Variants in UPF2 observed in about 807,000 individuals in gnomAD.
UPF2 encodes the protein regulator of nonsense transcripts 2.
In UPF2, 17 loss-of-function variants were observed where a neutral mutation model predicts 141.4. The observed-to-expected ratio is 0.12, with a 90% confidence interval of 0.08 to 0.18. UPF2 has a LOEUF of 0.18. Among genes scored for constraint, UPF2 ranks in the 10% least tolerant of loss-of-function variants. The probability of loss-of-function intolerance (pLI) is 1.00; values close to 1 mark genes in which losing one functional copy is unlikely to be tolerated. For missense variants in UPF2, 1,152 were observed against 1,515.9 expected (o/e 0.76, Z 3.99); for synonymous variants, 540 against 498.0 (o/e 1.08, Z -1.12).
chr10:11,983,231 T>C (rs1833628599), intron 8 of UPF2, among the ~76,000 whole-genome samples: 1 of 152,224 alleles, frequency 6.6e-6, no homozygotes, highest in African/African-American at 2.4e-5. Flanking sequence ...CAAAAGCTAA[T>C]TTATCAAATA....
chr10:11,972,816 C>T (rs1213792878), intron 9 of UPF2, among the ~76,000 whole-genome samples: 1 of 152,128 alleles, frequency 6.6e-6, no homozygotes, highest in Non-Finnish European at 1.5e-5. Context: ...CAAGTCTTTG[C>T]TTTTGTGAAT....
intron 3 of UPF2, among the ~76,000 whole-genome samples, chr10:12,020,921 C>T (rs1448419226): frequency 6.6e-6 from 1 of 152,214 alleles, no homozygotes; most frequent in Admixed American, 6.6e-5. Flanking sequence ...AAATGTCTCT[C>T]AAACACGTCC....
intron 19 of UPF2, among the ~76,000 whole-genome samples, chr10:11,934,613 G>A (rs952985102): frequency 2.0e-5 from 3 of 152,180 alleles, no homozygotes; most frequent in East Asian, 1.9e-4. Context: ...TTTTTGAGAC[G>A]GAGTCTCGTT....
rs73571394 is a variant in UPF2 at position 11,980,765 on chromosome 10, A to C, written c.1845-1600T>G. On this transcript the variant is annotated intron_variant, in intron 8 of 21. Transcript: ENST00000357604. This position sits in a 1 kb window ranked among gnomAD's most constrained non-coding sequence, Gnocchi z 4.2. ...AGATTATTGCTGAGCACATCACTGTACCATACAATAATATATGAAAATGTT... is the reference window on the plus strand; with the variant it reads ...AGATTATTGCTGAGCACATCACTGTCCCATACAATAATATATGAAAATGTT... 2.2e-3 allele frequency among the ~76,000 whole-genome samples: 340 copies of C among 152,298 alleles called. No individual in the cohort carries two copies. The highest frequency in any genetic ancestry group is 7.8e-3 in the African/African-American group (324 of 41,578).
intron 16 of UPF2, among the ~76,000 whole-genome samples, chr10:11,947,545 G>C (rs2131177658): frequency 6.6e-6 from 1 of 152,202 alleles, no homozygotes; most frequent in East Asian, 1.9e-4. Context: ...TCTTTGAAAG[G>C]CTGAGGGAGG....
chr10:11,987,186 AC>A (rs1188310342), intron 8 of UPF2, among the ~76,000 whole-genome samples: 1 of 152,216 alleles, frequency 6.6e-6, no homozygotes, highest in African/African-American at 2.4e-5. Flanking sequence ...AGATATAAAC[AC>A]CTCAGGAAGA....
chr10:12,000,684 A>G (rs1833937082), intron 6 of UPF2, among the ~76,000 whole-genome samples: 1 of 152,128 alleles, frequency 6.6e-6, no homozygotes, highest in African/African-American at 2.4e-5. Context: ...GTGCACGTCT[A>G]CAGTCCCAGC....
chr10:11,964,406 C>T (rs1388900280), intron 10 of UPF2, among the ~76,000 whole-genome samples: 1 of 152,192 alleles, frequency 6.6e-6, no homozygotes, highest in Non-Finnish European at 1.5e-5. Context: ...ATGCCACATA[C>T]ACAGCAGACA....
At chr10:11,958,631 A>C (rs1833192484) in intron 12 of UPF2, among the ~76,000 whole-genome samples, 1 of 152,240 alleles carries the variant, frequency 6.6e-6, no homozygotes, top group Admixed American at 6.5e-5. Context: ...TGTTCAACAT[A>C]TCTTACTTAA....
rs756586941 is a variant in UPF2 at position 12,014,134 on chromosome 10, T to C, written c.1196A>G (p.Tyr399Cys). Residue 399 changes from tyrosine (Y) to cysteine (C), a missense_variant, in exon 4 of 22, where the codon TAT becomes TGT. Tyr to Cys is a radical substitution (Grantham distance 194, BLOSUM62 -2). Coordinates refer to ENST00000357604, the MANE Select transcript of UPF2 (RefSeq NM_015542.4). This position sits in a 1 kb window ranked among gnomAD's most constrained non-coding sequence, Gnocchi z 5.0. ...GELSEDRHKQYEEFAMSYQKL... is the reference protein window; with the variant it reads ...GELSEDRHKQCEEFAMSYQKL... ...CTGGTAAGACATAGCAAATTCCTCA[T>C]ACTGTTTATGTCTATCTTCACTGAG... is the stretch of plus-strand genomic sequence containing the variant. 6.3e-7 allele frequency: 1 copy of C among 1,582,038 alleles called. No homozygotes were observed. Among genetic ancestry groups the C allele is most frequent in the Non-Finnish European group, 8.6e-7 (1 of 1,162,028 alleles).
chr10:11,936,226 C>T lies in UPF2; in HGVS notation c.3546+319G>A, dbSNP rs540181336. ...CTCTACTAAAAATACAAAAATTAGC[C>T]GGGCGTCATGGTGGACGCCTGTAAT... On this transcript the variant is annotated intron_variant, in intron 19 of 21. Transcript: ENST00000357604. This position sits in a 1 kb window ranked among gnomAD's most constrained non-coding sequence, Gnocchi z 6.6. Among the ~76,000 whole-genome samples the T allele has an allele frequency of 3.5e-4, 53 of 151,956 alleles. 1 individual carries two copies. The South Asian group carries it at 0.01, about 30-fold the overall frequency.
intron 8 of UPF2, among the ~76,000 whole-genome samples, chr10:11,984,491 T>C (rs184867260): frequency 3.3e-4 from 51 of 152,286 alleles, no homozygotes; most frequent in Non-Finnish European, 5.1e-4. Flanking sequence ...TAGTTGTCTT[T>C]TTCAATGTAT....
At chr10:11,981,528 T>C (rs569807415) in intron 8 of UPF2, among the ~76,000 whole-genome samples, 99 of 152,352 alleles carry the variant, frequency 6.5e-4, no homozygotes, top group Admixed American at 1.3e-3. Context: ...CAATCCATTA[T>C]ATAAAAACAT....
chr10:12,012,598 G>A (rs910469671), intron 4 of UPF2, among the ~76,000 whole-genome samples: 31 of 151,810 alleles, frequency 2.0e-4, no homozygotes, highest in Middle Eastern at 3.4e-3. Flanking sequence ...AGGAGATCGA[G>A]ATCATCCTGG....
intron 12 of UPF2, among the ~76,000 whole-genome samples, chr10:11,958,179 C>T (rs1833183912): frequency 6.6e-6 from 1 of 151,938 alleles, no homozygotes; most frequent in Admixed American, 6.6e-5. Context: ...ATAGCAAGAC[C>T]CCATCTCTAT....
At chr10:11,988,979 C>T (rs1833738554) in intron 8 of UPF2, among the ~76,000 whole-genome samples, 1 of 152,190 alleles carries the variant, frequency 6.6e-6, no homozygotes, top group African/African-American at 2.4e-5. Context: ...AGGGATCAAG[C>T]CGTCCCCCTC....
At chr10:12,013,618 ATATC>A (rs1182160056) in intron 4 of UPF2, among the ~76,000 whole-genome samples, 4 of 152,086 alleles carry the variant, frequency 2.6e-5, no homozygotes, top group South Asian at 2.1e-4. Flanking sequence ...AAATTCAAAG[ATATC>A]TATCTATTAC....
rs1833906555 is a variant in UPF2, at chr10:11,998,877, T to C, written c.1758+1029A>G. Among the ~76,000 whole-genome samples, 1 of 151,342 alleles carries C rather than the reference T, an allele frequency of 6.6e-6. No homozygotes were observed. The highest frequency in any genetic ancestry group is 2.4e-5 in the African/African-American group (1 of 41,124). The stretch of plus-strand genomic sequence containing the variant: ...TCAAAAAAATAAAAAATAAAAAGAT[T>C]AGCTGGGCGTGGTGGTGCACGCCTG... On this transcript the variant is annotated intron_variant, in intron 7 of 21. Coordinates refer to ENST00000357604, the MANE Select transcript of UPF2 (RefSeq NM_015542.4). The surrounding 1 kb of genome is among the most constrained non-coding windows in gnomAD (Gnocchi z 4.5).
intron 11 of UPF2, among the ~76,000 whole-genome samples, chr10:11,961,089 C>CAA (rs59208108): frequency 0.041 from 3,557 of 86,194 alleles, 158 homozygotes; most frequent in African/African-American, 0.14. Flanking sequence ...GACCCTGTCT[C>CAA]AAAAAAAAAA....
Sources: gnomAD v4.1 joint callset for allele counts (sites outside exome capture counted in the v4.1 genomes callset) on GRCh38, gnomAD v4.1.1 for gene constraint, Gnocchi (gnomAD v3.1) non-coding constraint, MANE v1.5 for transcripts, NCBI Gene and HGNC (gene_info 2026-07-23, HGNC 2026-07-21) for gene names.